KIAA1328: variants seen among roughly 807,000 people sequenced by gnomAD.
KIAA1328 encodes the protein protein hinderin.
In KIAA1328, 52 loss-of-function variants were observed where a neutral mutation model predicts 68.1. The ratio of observed to expected loss-of-function variants is 0.76; its 90% CI spans 0.61 to 0.96. KIAA1328 has a LOEUF of 0.96. Among genes scored for constraint, KIAA1328 ranks in the 40% least tolerant of loss-of-function variants. The probability of loss-of-function intolerance (pLI) is 0.00; values close to 1 mark genes in which losing one functional copy is unlikely to be tolerated. For synonymous variants in KIAA1328, 232 were observed against 239.4 expected (o/e 0.97, Z 0.28); for missense variants, 641 against 677.6 (o/e 0.95, Z 0.60).
intron 4 of KIAA1328, among the ~76,000 whole-genome samples, chr18:36,865,377 A>G (rs2047715393): frequency 6.6e-6 from 1 of 152,006 alleles, no homozygotes; most frequent in Non-Finnish European, 1.5e-5. Flanking sequence ...TCGTCTTTCT[A>G]TTACTGATTT....
chr18:36,940,484 A>G (rs958450483), intron 5 of KIAA1328, among the ~76,000 whole-genome samples: 1 of 152,186 alleles, frequency 6.6e-6, no homozygotes, highest in Non-Finnish European at 1.5e-5. Flanking sequence ...TAAGAAAGGT[A>G]TGCCGTTGAC....
chr18:37,021,458 T>G (rs1395482075), intron 6 of KIAA1328, among the ~76,000 whole-genome samples: 1 of 152,224 alleles, frequency 6.6e-6, no homozygotes, highest in Non-Finnish European at 1.5e-5. Flanking sequence ...ACCTATTGTA[T>G]GAGAAACTTT....
intron 9 of KIAA1328, among the ~76,000 whole-genome samples, chr18:37,210,042 C>G (rs951998870): frequency 1.3e-5 from 2 of 152,092 alleles, no homozygotes; most frequent in African/African-American, 4.8e-5. Context: ...CAGGAGATGT[C>G]TACTGAAATC....
At chr18:36,973,330 C>T (rs1248901463) in intron 6 of KIAA1328, among the ~76,000 whole-genome samples, 1 of 142,148 alleles carries the variant, frequency 7.0e-6, no homozygotes, top group African/African-American at 2.6e-5. Context: ...GCTGGGGGGT[C>T]GGGGGAGGGG....
chr18:37,096,927 T>C (rs568957567), intron 7 of KIAA1328, among the ~76,000 whole-genome samples: 2 of 152,356 alleles, frequency 1.3e-5, no homozygotes, highest in African/African-American at 4.8e-5. Context: ...GGCCGTTTGT[T>C]TTTTTCTTGT....
chr18:37,159,760 T>C (rs2059236713), intron 7 of KIAA1328, among the ~76,000 whole-genome samples: 3 of 152,288 alleles, frequency 2.0e-5, no homozygotes, highest in South Asian at 2.1e-4. Flanking sequence ...ACATAATAAA[T>C]ACTAATAACA....
At chr18:37,070,721 C>T (rs1407521876) in intron 7 of KIAA1328, among the ~76,000 whole-genome samples, 2 of 151,902 alleles carry the variant, frequency 1.3e-5, no homozygotes, top group Admixed American at 6.6e-5. Flanking sequence ...CAGGTGCCCA[C>T]CACCATGCCC....
intron 6 of KIAA1328, among the ~76,000 whole-genome samples, chr18:36,998,418 A>G (rs1018629823): frequency 1.6e-4 from 24 of 152,202 alleles, no homozygotes; most frequent in Admixed American, 1.6e-3. Context: ...CTACCTGTCC[A>G]GTACACCACT....
rs191315462 is a variant in KIAA1328, at chr18:37,058,530, C to T, written c.577-8360C>T. ...GAGTTTGAGACCAGCCTGGGCAACA[C>T]GGTGAAACCCTGTCTCTACTAAAAT... On this transcript the variant is annotated intron_variant, in intron 6 of 9. Transcript: ENST00000280020. 2.6e-4 allele frequency among the ~76,000 whole-genome samples: 39 copies of T among 152,010 alleles called. 1 individual carries two copies. The East Asian group carries it at 5.5e-3, about 21-fold the overall frequency.
At chr18:37,123,574 A>G (rs566199153) in intron 7 of KIAA1328, among the ~76,000 whole-genome samples, 2 of 152,318 alleles carry the variant, frequency 1.3e-5, no homozygotes, top group Admixed American at 6.5e-5. Flanking sequence ...AAAGAACAGT[A>G]AGAATACATT....
intron 7 of KIAA1328, among the ~76,000 whole-genome samples, chr18:37,152,808 C>G (rs991604835): frequency 6.6e-6 from 1 of 152,084 alleles, no homozygotes; most frequent in African/African-American, 2.4e-5. Flanking sequence ...TAAGGCTTCC[C>G]TTTTAACAAA....
chr18:37,057,588 T>G (rs1484596087), intron 6 of KIAA1328, among the ~76,000 whole-genome samples: 1 of 151,634 alleles, frequency 6.6e-6, no homozygotes, highest in African/African-American at 2.4e-5. Context: ...CCACCACATC[T>G]GGCTAATTTT....
intron 5 of KIAA1328, among the ~76,000 whole-genome samples, chr18:36,952,039 G>A (rs1444719759): frequency 6.6e-6 from 1 of 152,170 alleles, no homozygotes; most frequent in East Asian, 1.9e-4. Flanking sequence ...TCTAGCCCCT[G>A]TTGATCTCTG....
chr18:36,957,695 T>G (rs2051479694), intron 5 of KIAA1328, among the ~76,000 whole-genome samples: 1 of 152,298 alleles, frequency 6.6e-6, no homozygotes, highest in East Asian at 1.9e-4. Context: ...AATTATACTC[T>G]CTTTATGTTT....
intron 4 of KIAA1328, among the ~76,000 whole-genome samples, chr18:36,861,961 G>A (rs938930872): frequency 6.6e-6 from 1 of 152,106 alleles, no homozygotes; most frequent in African/African-American, 2.4e-5. Context: ...GTGAGTCACT[G>A]TGTCCAGTCC....
chr18:37,059,284 A>T (rs2056053170), intron 6 of KIAA1328, among the ~76,000 whole-genome samples: 1 of 152,182 alleles, frequency 6.6e-6, no homozygotes, highest in Non-Finnish European at 1.5e-5. Context: ...AATTTTTGCA[A>T]TCTAGCCATC....
chr18:37,105,916 C>CAAAA (rs58940699), intron 7 of KIAA1328, among the ~76,000 whole-genome samples: 1,113 of 19,478 alleles, frequency 0.057, 182 homozygotes, highest in Non-Finnish European at 0.11. Flanking sequence ...GACTCTGTGT[C>CAAAA]AAAAAAAAAA....
In KIAA1328 at chr18:37,195,259, C is replaced by T. The variant is rs1340676775; in HGVS notation, c.1523+22178C>T. ...ACTTCTCTTCATCCTACTCCACCCT[C>T]TTCCCTTCCTAGCCTTCACTTTGTT... On this transcript the variant is annotated intron_variant, in intron 9 of 9. Transcript: ENST00000280020. Among the ~76,000 whole-genome samples the T allele has an allele frequency of 2.0e-5, 3 of 152,292 alleles. No homozygotes were observed. In the East Asian group the frequency reaches 5.8e-4, roughly 29 times the overall value.
At chr18:37,114,725 G>GT (rs945959240) in intron 7 of KIAA1328, among the ~76,000 whole-genome samples, 9 of 151,892 alleles carry the variant, frequency 5.9e-5, no homozygotes, top group African/African-American at 1.7e-4. Context: ...CCAGGAGCTG[G>GT]TTTTTTTGAA....
Sources: allele counts gnomAD v4.1 joint callset (sites outside exome capture counted in the v4.1 genomes callset), GRCh38; gene constraint gnomAD v4.1.1; transcripts MANE v1.5; gene names NCBI Gene and HGNC (gene_info 2026-07-23, HGNC 2026-07-21).